Variants in DGKH observed in about 807,000 individuals in gnomAD.
DGKH encodes the protein DAG kinase eta.
A neutral mutation model predicts 159.3 loss-of-function variants in DGKH; 90 were observed. The observed-to-expected ratio is 0.57, with a 90% CI of 0.48 to 0.67. DGKH has a LOEUF of 0.67. DGKH is among the 30% of genes least tolerant of loss of function. The pLI is 0.00. For missense variants in DGKH, 1,181 were observed against 1,506.1 expected, an observed-to-expected ratio of 0.78 and a Z score of 3.57; for synonymous variants, 536 against 553.8, an observed-to-expected ratio of 0.97 and a Z score of 0.45.
chr13:42,256,479 C>T, exon 31 of DGKH: 1 of 1,255,632 alleles, frequency 8.0e-7, no homozygotes, highest in Non-Finnish European at 1.2e-6. Flanking sequence ...GGCTATCTCA[C>T]ACCAGAACAG....
At chr13:42,212,649 G>T (rs1157134646) in intron 24 of DGKH, among the ~76,000 whole-genome samples, 6 of 152,142 alleles carry the variant, frequency 3.9e-5, no homozygotes, top group Non-Finnish European at 8.8e-5. Flanking sequence ...ATGAAATCAG[G>T]CTCACTTGTC....
chr13:42,043,552 A>G (rs956808134), intron 1 of DGKH, among the ~76,000 whole-genome samples: 3 of 151,932 alleles, frequency 2.0e-5, no homozygotes, highest in Non-Finnish European at 1.5e-5. Context: ...GGCTGGTCTC[A>G]AACTTGTGGC....
At chr13:42,132,676 A>T (rs1248769906) in intron 3 of DGKH, among the ~76,000 whole-genome samples, 5 of 152,118 alleles carry the variant, frequency 3.3e-5, no homozygotes, top group Non-Finnish European at 7.4e-5. Context: ...CTGAAGCAGG[A>T]GGATTACTTG....
At chr13:42,204,895 T>G (rs1259156647) in intron 20 of DGKH, among the ~76,000 whole-genome samples, 1 of 152,066 alleles carries the variant, frequency 6.6e-6, no homozygotes, top group Non-Finnish European at 1.5e-5. Context: ...TTAATACTCT[T>G]TTTAATGAGA....
At chr13:42,165,695 A>G (rs1430155763) in intron 8 of DGKH, among the ~76,000 whole-genome samples, 1 of 152,144 alleles carries the variant, frequency 6.6e-6, no homozygotes, top group South Asian at 2.1e-4. Flanking sequence ...AAACAAGATC[A>G]TTACTCTGTA....
intron 1 of DGKH, chr13:42,070,819 G>T (rs1410480797): frequency 1.7e-5 from 24 of 1,398,982 alleles, no homozygotes; most frequent in Non-Finnish European, 2.3e-5. Flanking sequence ...CACATCATCT[G>T]TTAATTGGCT....
At chr13:42,057,549 G>C (rs1214671696) in intron 1 of DGKH, among the ~76,000 whole-genome samples, 1 of 152,150 alleles carries the variant, frequency 6.6e-6, no homozygotes, top group Non-Finnish European at 1.5e-5. Flanking sequence ...CGTGAATCCA[G>C]CTTCAGAATG....
At chr13:42,102,226 C>A (rs954931625) in intron 1 of DGKH, among the ~76,000 whole-genome samples, 2 of 152,198 alleles carry the variant, frequency 1.3e-5, no homozygotes, top group Admixed American at 6.5e-5. Context: ...ACCTACTAAC[C>A]CTGAACTAGA....
intron 1 of DGKH, among the ~76,000 whole-genome samples, chr13:42,072,035 T>C (rs759659030): frequency 6.6e-5 from 10 of 152,184 alleles, no homozygotes; most frequent in Non-Finnish European, 8.8e-5. Flanking sequence ...ATTCCCAAGA[T>C]GGTCTTTAAA....
At chr13:42,084,392 A>G (rs904069005) in intron 1 of DGKH, among the ~76,000 whole-genome samples, 1 of 152,094 alleles carries the variant, frequency 6.6e-6, no homozygotes, top group Non-Finnish European at 1.5e-5. Flanking sequence ...CCCATCTGCT[A>G]TTCAGTGTTG....
chr13:42,137,059 T>C, intron 3 of DGKH, among the ~76,000 whole-genome samples: 1 of 152,190 alleles, frequency 6.6e-6, no homozygotes, highest in East Asian at 1.9e-4. Context: ...ATTCCTTTAA[T>C]GTTTCCTTTC....
intron 1 of DGKH, among the ~76,000 whole-genome samples, chr13:42,099,236 C>G (rs924755583): frequency 2.0e-5 from 3 of 152,148 alleles, no homozygotes; most frequent in African/African-American, 7.2e-5. Flanking sequence ...TCCACATTAT[C>G]AAGGCTTGTT....
rs1244777141 is a variant in DGKH at position 42,069,390 on chromosome 13, T to G, written c.192+20425T>G. The G allele has an allele frequency of 7.2e-6, 11 of 1,530,674 alleles. No homozygotes were observed. The Admixed American group carries it at 1.3e-4, about 18-fold the overall frequency. The allele number at this position is 1,530,674 out of a possible 1,614,324, so 94.8% of individuals were successfully genotyped here. On this transcript the variant is annotated intron_variant, in intron 1 of 29. Transcript: ENST00000337343. ...TTCCTGTTTTTCTTGACTTACTGACTTTGATATCAAACTTTTCAATTCTAG... is the reference window on the plus strand; with the variant it reads ...TTCCTGTTTTTCTTGACTTACTGACGTTGATATCAAACTTTTCAATTCTAG...
At chr13:42,159,610 C>T (rs1956128815) in intron 6 of DGKH, among the ~76,000 whole-genome samples, 2 of 152,006 alleles carry the variant, frequency 1.3e-5, no homozygotes, top group African/African-American at 2.4e-5. Context: ...CTGTTGTTGT[C>T]GACCTCTGAT....
intron 3 of DGKH, among the ~76,000 whole-genome samples, chr13:42,153,187 A>G (rs1955958860): frequency 6.6e-6 from 1 of 152,232 alleles, no homozygotes; most frequent in Non-Finnish European, 1.5e-5. Context: ...ATAAGTACAC[A>G]TGGTTTATTT....
intron 14 of DGKH, among the ~76,000 whole-genome samples, 197 bp downstream of exon 14, chr13:42,187,345 A>G (rs1473921105): frequency 6.6e-6 from 1 of 152,196 alleles, no homozygotes; most frequent in Non-Finnish European, 1.5e-5. Context: ...GGAAAACTGC[A>G]TTGCTGAAAA....
At chr13:42,224,801 G>T (rs764380775) in intron 29 of DGKH, among the ~76,000 whole-genome samples, 14 of 151,672 alleles carry the variant, frequency 9.2e-5, no homozygotes, top group Non-Finnish European at 1.5e-4. Context: ...CCCTTCACCT[G>T]GTTAACTCCT....
chr13:42,196,683 A>G (rs1371106379), intron 17 of DGKH, among the ~76,000 whole-genome samples: 1 of 152,270 alleles, frequency 6.6e-6, no homozygotes, highest in African/African-American at 2.4e-5. Flanking sequence ...CAGGGTAACG[A>G]AAAGGTTTTA....
At chr13:42,170,733 A>G (rs575483470) in intron 11 of DGKH, among the ~76,000 whole-genome samples, 125 of 152,342 alleles carry the variant, frequency 8.2e-4, no homozygotes, top group African/African-American at 2.9e-3. Context: ...ACCTGAGGTC[A>G]GGAGTTCGAG....
Sources: gnomAD v4.1 joint callset for allele counts (sites outside exome capture counted in the v4.1 genomes callset) on GRCh38, gnomAD v4.1.1 for gene constraint, MANE v1.5 for transcripts, NCBI Gene and HGNC (gene_info 2026-07-23, HGNC 2026-07-21) for gene names.